The following GNB4 variants were observed in gnomAD, a reference collection of about 807,000 sequenced individuals.
The protein encoded by GNB4 is guanine nucleotide-binding protein subunit beta-4.
Under a neutral mutation model 45.2 loss-of-function variants are expected in GNB4, and 28 were observed. The ratio of observed to expected loss-of-function variants is 0.62; its 90% CI spans 0.46 to 0.85. GNB4 has a LOEUF of 0.85. GNB4 is among the 40% of genes least tolerant of loss of function. GNB4 has a pLI of 0.00. For missense variants in GNB4, 321 were observed against 425.4 expected, an observed-to-expected ratio of 0.75 and a Z score of 2.16; for synonymous variants, 132 against 143.7, an observed-to-expected ratio of 0.92 and a Z score of 0.58.
the GNB4 span, among the ~76,000 whole-genome samples, chr3:179,459,685 CA>C: frequency 7.5e-6 from 1 of 132,822 alleles, no homozygotes; most frequent in Admixed American, 7.7e-5. Flanking sequence ...TCCATCTTAA[CA>C]AAAAAAAGAA....
At chr3:179,428,124 CTATT>C (rs992632199) in intron 1 of GNB4, among the ~76,000 whole-genome samples, 4 of 152,134 alleles carry the variant, frequency 2.6e-5, no homozygotes, top group African/African-American at 7.2e-5. Flanking sequence ...AAACCAGTAT[CTATT>C]TATTCTTTCA....
In GNB4 at chr3:179,439,565, T is replaced by G. The variant is rs115302545; in HGVS notation, c.-43+11781A>C. ...GTTCTGTTGAAGGTCACCAAGGCAA[T>G]GTGAATTGATAGCTTATCTTCACAG... On this transcript the variant is annotated intron_variant, in intron 1 of 9. Transcript: ENST00000232564. Among the ~76,000 whole-genome samples, 1,506 of 152,314 alleles carry G rather than the reference T, an allele frequency of 9.9e-3. 10 individuals are homozygous for G. Among genetic ancestry groups the G allele is most frequent in the Non-Finnish European group, 0.015 (1,032 of 68,022 alleles).
chr3:179,491,759 A>T, the GNB4 span, among the ~76,000 whole-genome samples: 1 of 152,212 alleles, frequency 6.6e-6, no homozygotes, highest in African/African-American at 2.4e-5. Flanking sequence ...TTGTAAAGGA[A>T]GGTTCTCTGA....
intron 4 of GNB4, among the ~76,000 whole-genome samples, chr3:179,418,993 T>C (rs1032472230): frequency 4.6e-5 from 7 of 152,292 alleles, no homozygotes; most frequent in African/African-American, 1.7e-4. Context: ...TTGTTTCATG[T>C]AATTTCCATT....
Position 179,419,498 on chromosome 3 carries a change from G to A in GNB4, c.104C>T (p.Ser35Leu). ...CNDATLVQIT[S>L]NMDSVGRIQM... ...TATTCGACCCACAGAGTCCATATTTGATGTAATCTTTTGAAAGCAACAAAA... is the reference window on the plus strand; with the variant it reads ...TATTCGACCCACAGAGTCCATATTTAATGTAATCTTTTGAAAGCAACAAAA... The change falls in exon 4 of 10, where the codon TCA becomes TTA. Residue 35 changes from serine to leucine, a missense_variant. Transcript: ENST00000232564. 6 of 1,591,688 alleles carry A rather than the reference G, an allele frequency of 3.8e-6. No individual in the cohort carries two copies. The highest frequency in any genetic ancestry group is 5.2e-6 in the Non-Finnish European group (6 of 1,159,864).
At chr3:179,505,157 C>T in the GNB4 span, among the ~76,000 whole-genome samples, 49,520 of 151,968 alleles carry the variant, frequency 0.33, 8,599 homozygotes, top group East Asian at 0.42. Context: ...CTGTTACAGG[C>T]CTATACCAAT....
chr3:179,515,864 A>G, the GNB4 span, among the ~76,000 whole-genome samples: 1 of 152,170 alleles, frequency 6.6e-6, no homozygotes, highest in African/African-American at 2.4e-5. Context: ...ATTAAGCTGA[A>G]GGAATATTTT....
the GNB4 span, among the ~76,000 whole-genome samples, chr3:179,467,120 C>T: frequency 1.3e-5 from 2 of 152,202 alleles, no homozygotes; most frequent in South Asian, 2.1e-4. Context: ...CTTAAACTAT[C>T]CTCCTGCCTC....
chr3:179,467,815 T>C, the GNB4 span, among the ~76,000 whole-genome samples: 393 of 152,080 alleles, frequency 2.6e-3, 2 homozygotes, highest in African/African-American at 8.9e-3. Flanking sequence ...CAAATAGTTT[T>C]CAATCATTCA....
At chr3:179,407,578 G>A (rs535260131) in intron 8 of GNB4, among the ~76,000 whole-genome samples, 1 of 152,282 alleles carries the variant, frequency 6.6e-6, no homozygotes, top group Non-Finnish European at 1.5e-5. Context: ...AACGCAGCTG[G>A]AGCCCACTGG....
At chr3:179,518,196 T>C in the GNB4 span, among the ~76,000 whole-genome samples, 1 of 152,184 alleles carries the variant, frequency 6.6e-6, no homozygotes, top group African/African-American at 2.4e-5. Context: ...CTTATTTTCT[T>C]CTGCAATGCT....
the GNB4 span, among the ~76,000 whole-genome samples, chr3:179,506,197 G>C: frequency 6.6e-6 from 1 of 152,056 alleles, no homozygotes; most frequent in African/African-American, 2.4e-5. Flanking sequence ...AATTAGCCAG[G>C]CATGGTGGTA....
chr3:179,520,958 A>G, the GNB4 span, among the ~76,000 whole-genome samples: 3 of 152,220 alleles, frequency 2.0e-5, no homozygotes, highest in South Asian at 2.1e-4. Flanking sequence ...GTGGAAATCT[A>G]TCCTCAAGGA....
At chr3:179,475,674 A>G in the GNB4 span, among the ~76,000 whole-genome samples, 1 of 151,178 alleles carries the variant, frequency 6.6e-6, no homozygotes, top group Non-Finnish European at 1.5e-5. Flanking sequence ...GGGTTTCACC[A>G]TGTTGGCCAG....
At chr3:179,521,325 C>G in the GNB4 span, among the ~76,000 whole-genome samples, 114,744 of 152,136 alleles carry the variant, frequency 0.75, 44,367 homozygotes, top group East Asian at 0.99. Context: ...ACCTCACCAA[C>G]CTCAGCCACC....
chr3:179,426,014 C>T, intron 2 of GNB4, 130 bp downstream of exon 2: 3 of 687,706 alleles, frequency 4.4e-6, no homozygotes, highest in East Asian at 2.9e-5. Context: ...TCTTACTTCG[C>T]CATGTGAGAG....
At chr3:179,431,411 T>G (rs1486927068) in intron 1 of GNB4, among the ~76,000 whole-genome samples, 1 of 151,640 alleles carries the variant, frequency 6.6e-6, no homozygotes, top group Non-Finnish European at 1.5e-5. Flanking sequence ...ACAAAAAAAT[T>G]AGCCAGGCAT....
the GNB4 span, among the ~76,000 whole-genome samples, chr3:179,472,370 C>CTT: frequency 7.5e-6 from 1 of 134,136 alleles, no homozygotes; most frequent in Non-Finnish European, 1.6e-5. Context: ...TTCTTTCTTT[C>CTT]TTTTTTTTTT....
the GNB4 span, among the ~76,000 whole-genome samples, chr3:179,517,064 G>A: frequency 6.6e-6 from 1 of 152,156 alleles, no homozygotes; most frequent in Non-Finnish European, 1.5e-5. Flanking sequence ...GCAGGATATG[G>A]AAGGTGTCAG....
Sources: gnomAD v4.1 joint callset for allele counts (sites outside exome capture counted in the v4.1 genomes callset) on GRCh38, gnomAD v4.1.1 for gene constraint, MANE v1.5 for transcripts, NCBI Gene and HGNC (gene_info 2026-07-23, HGNC 2026-07-21) for gene names.